NR1D1: variants seen among roughly 807,000 people sequenced by gnomAD.
NR1D1 encodes the protein nuclear receptor subfamily 1 group D member 1.
A neutral mutation model predicts 51.1 loss-of-function variants in NR1D1; 17 were observed. The ratio of observed to expected loss-of-function variants is 0.33; its 90% CI spans 0.23 to 0.50. The LOEUF (loss-of-function observed/expected upper bound fraction) is 0.50, where lower values mean the gene tolerates loss of function less well. Among genes scored for constraint, NR1D1 ranks in the 20% least tolerant of loss-of-function variants. The pLI is 0.98. For missense variants in NR1D1, 647 were observed against 830.4 expected, an observed-to-expected ratio of 0.78 and a Z score of 2.71; for synonymous variants, 341 against 333.4, an observed-to-expected ratio of 1.02 and a Z score of -0.25.
In NR1D1 at chr17:40,094,044, G is replaced by C; in HGVS notation, c.1513C>G (p.Leu505Val). The change falls in exon 7 of 8, where the codon CTG (leucine) becomes GTG (valine). Residue 505 changes from leucine to valine, a missense_variant. By Grantham distance (32) the Leu-to-Val change is conservative. Around this residue, in one of 7 missense-constraint regions of NR1D1, gnomAD observed 155 missense variants for 236.8 expected, o/e 0.65. Coordinates refer to ENST00000246672, the MANE Select transcript of NR1D1 (RefSeq NM_021724.5). ...ATGCCCATGGCACCAAGCTCCTGCA[G>C]GCTGTAGGTGGTGCGGCTTAGGAAC... is the stretch of plus-strand genomic sequence containing the variant. ...VMFLSRTTYS[L>V]QELGAMGMGD... The C allele has an allele frequency of 6.8e-6, 11 of 1,614,042 alleles. No homozygotes were observed. Among genetic ancestry groups the C allele is most frequent in the Non-Finnish European group, 9.3e-6 (11 of 1,180,008 alleles).
chr17:40,095,946 G>T lies in NR1D1; in HGVS notation c.746C>A (p.Pro249His), dbSNP rs201937829. Residue 249 changes from proline to histidine, a missense_variant, in exon 5 of 8, where the codon CCC (proline) becomes CAC (histidine). Around this residue, in one of 7 missense-constraint regions of NR1D1, gnomAD observed 48 missense variants for 42.9 expected, o/e 1.12. Coordinates refer to ENST00000246672, the MANE Select transcript of NR1D1 (RefSeq NM_021724.5). ...TSPTQHPTPG[P>H]MGPSPPPAPV... ...AGCAGGGGGTGGCGAGGGGCCCATG[G>T]GGCCTGGGGTGGGGTGCTGGGTGGG... The T allele has an allele frequency of 3.1e-6, 5 of 1,611,502 alleles. No individual in the cohort carries two copies. The highest frequency in any genetic ancestry group is 3.4e-6 in the Non-Finnish European group (4 of 1,179,454).
chr17:40,094,236 G>A (rs1987699580), intron 6 of NR1D1, 114 bp from the exon 7 acceptor site: 1 of 920,604 alleles, frequency 1.1e-6, no homozygotes, highest in South Asian at 1.5e-5. Flanking sequence ...TCAGTAGAGT[G>A]GGGGTTGTTT....
intron 5 of NR1D1, 138 bp from the exon 6 acceptor site, chr17:40,095,258 A>C (rs1987728437): frequency 1.8e-6 from 2 of 1,133,876 alleles, no homozygotes; most frequent in East Asian, 5.2e-5. Flanking sequence ...ATAAAGTAGC[A>C]ATTAGGTGCC....
intron 4 of NR1D1, 81 bp downstream of exon 4, chr17:40,096,362 T>C: frequency 6.3e-7 from 1 of 1,593,730 alleles, no homozygotes; most frequent in Middle Eastern, 1.7e-4. Flanking sequence ...TGTGTCTCCA[T>C]TTGTGACTTT....
intron 1 of NR1D1, among the ~76,000 whole-genome samples, chr17:40,098,554 C>T (rs1987809125): frequency 6.6e-6 from 1 of 152,184 alleles, no homozygotes; most frequent in Non-Finnish European, 1.5e-5. Context: ...GTGAGACCTT[C>T]ATGCAGAGGC....
Position 40,093,029 on chromosome 17 carries a change from G to T in NR1D1, c.*54C>A. On this transcript the variant is annotated 3_prime_UTR_variant, in exon 8 of 8. Coordinates refer to ENST00000246672, the MANE Select transcript of NR1D1 (RefSeq NM_021724.5). This position sits in a 1 kb window ranked among gnomAD's most constrained non-coding sequence, Gnocchi z 5.9. Reference sequence around the variant, plus strand: ...TTTTCGTCTCGTAAAGGAGAGAGAAGTGCAGAGTTCGATTCTGTACAAGGG... The same window carrying T: ...TTTTCGTCTCGTAAAGGAGAGAGAATTGCAGAGTTCGATTCTGTACAAGGG... 1 of 1,613,022 alleles carries T rather than the reference G, an allele frequency of 6.2e-7. No homozygotes were observed. Among genetic ancestry groups the T allele is most frequent in the Non-Finnish European group, 8.5e-7 (1 of 1,179,028 alleles).
rs772765278 is a variant in NR1D1, at chr17:40,095,920, G to C, written c.772C>G (p.Pro258Ala). 1.2e-6 allele frequency: 2 copies of C among 1,611,950 alleles called. No homozygotes were observed. Among genetic ancestry groups the C allele is most frequent in the Non-Finnish European group, 1.7e-6 (2 of 1,179,378 alleles). The change falls in exon 5 of 8, where the codon CCG (proline) becomes GCG (alanine). Residue 258 changes from proline (P) to alanine (A), a missense_variant. Pro to Ala is a conservative substitution (Grantham distance 27). Transcript: ENST00000246672. ...GPMGPSPPPA[P>A]VPSPLVGFSQ... ...AAGCCCACCAGGGGTGAGGGGACCG[G>C]AGCAGGGGGTGGCGAGGGGCCCATG... is the stretch of plus-strand genomic sequence containing the variant.
Position 40,094,006 on chromosome 17 carries a change from G to C in NR1D1, c.1551C>G (p.Leu517=). 1 of 1,614,094 alleles carries C rather than the reference G, an allele frequency of 6.2e-7. No homozygotes were observed. The highest frequency in any genetic ancestry group is 8.5e-7 in the Non-Finnish European group (1 of 1,180,044). ...ELGAMGMGDL[L]SAMFDFSEKL... ...TCTCGCTGAAGTCGAACATGGCACT[G>C]AGCAGGTCTCCCATGCCCATGGCAC... The change falls in exon 7 of 8, where the codon CTC becomes CTG. Residue 517 remains leucine (L), a synonymous_variant. Coordinates refer to ENST00000246672, the MANE Select transcript of NR1D1 (RefSeq NM_021724.5).
At chr17:40,096,148 T>G (rs1403955363) in intron 4 of NR1D1, 61 bp from the exon 5 acceptor site, 2 of 1,571,186 alleles carry the variant, frequency 1.3e-6, no homozygotes, top group African/African-American at 1.4e-5. Flanking sequence ...CTTCTCTTCC[T>G]TCCTTCCTCC....
chr17:40,097,915 C>T (rs1479548666), intron 1 of NR1D1, among the ~76,000 whole-genome samples: 1 of 152,196 alleles, frequency 6.6e-6, no homozygotes, highest in African/African-American at 2.4e-5. Context: ...GTCACATTCC[C>T]CCCAGTTGGG....
Position 40,096,796 on chromosome 17 carries a change from C to A in NR1D1, c.371-17G>T. 1 of 1,613,292 alleles carries A rather than the reference C, an allele frequency of 6.2e-7. No individual in the cohort carries two copies. Among genetic ancestry groups the A allele is most frequent in the Non-Finnish European group, 8.5e-7 (1 of 1,179,364 alleles). On this transcript the variant is annotated splice_polypyrimidine_tract_variant and intron_variant, in intron 2 of 7. Coordinates refer to ENST00000246672, the MANE Select transcript of NR1D1 (RefSeq NM_021724.5). ...CATTCAGCTCTGTGGAAGAGACGGG[C>A]AGCAGGTGAGCAGGAGAGGCCAGGC...
chr17:40,093,952 C>A lies in NR1D1; in HGVS notation c.1605G>T (p.Glu535Asp). 1 of 1,613,924 alleles carries A rather than the reference C, an allele frequency of 6.2e-7. No individual in the cohort carries two copies. Among genetic ancestry groups the A allele is most frequent in the South Asian group, 1.1e-5 (1 of 91,088 alleles). The change falls in exon 7 of 8, where the codon GAG becomes GAT. Residue 535 changes from glutamate (E) to aspartate (D), a missense_variant. Physicochemically the swap from Glu to Asp is conservative, Grantham distance 45. Coordinates refer to ENST00000246672, the MANE Select transcript of NR1D1 (RefSeq NM_021724.5). The surrounding 1 kb of genome is among the most constrained non-coding windows in gnomAD (Gnocchi z 5.9). ...CCACCGCGGTGAAGAGGCCCAGCTC[C>A]TCCTCGGTAAGCGCCAGGGAGTTGA... Reference protein sequence around the residue: ...EKLNSLALTEEELGLFTAVVL... With the variant: ...EKLNSLALTEDELGLFTAVVL...
Position 40,093,454 on chromosome 17 carries a change from G to C in NR1D1, c.1646-172C>G. The C allele has an allele frequency of 6.6e-7, 1 of 1,510,434 alleles. No individual in the cohort carries two copies. Among genetic ancestry groups the C allele is most frequent in the South Asian group, 1.3e-5 (1 of 77,178 alleles). 93.6% of individuals were successfully genotyped at this position (1,510,434 alleles called of 1,614,324 possible). A position where few individuals can be genotyped will look rare whatever the true frequency, so the allele number is the denominator to read the frequency against. Reference sequence around the variant, plus strand: ...CTCCCAGGCCTCTGCCCCAAGAGCAGGAGGTGCCTGAAAGCTGGGAGCGTG... The same window carrying C: ...CTCCCAGGCCTCTGCCCCAAGAGCACGAGGTGCCTGAAAGCTGGGAGCGTG... On this transcript the variant is annotated intron_variant, in intron 7 of 7. Transcript: ENST00000246672. The surrounding 1 kb of genome is among the most constrained non-coding windows in gnomAD (Gnocchi z 5.9).
chr17:40,094,657 G>C (rs532867409), intron 6 of NR1D1, among the ~76,000 whole-genome samples: 1 of 152,350 alleles, frequency 6.6e-6, no homozygotes, highest in Admixed American at 6.5e-5. Flanking sequence ...CAATACTTTG[G>C]GAGTCCAAGG....
At chr17:40,097,459 G>A (rs2145103622) in intron 1 of NR1D1, 56 bp from the exon 2 acceptor site, 1 of 1,409,740 alleles carries the variant, frequency 7.1e-7, no homozygotes, top group Non-Finnish European at 9.8e-7. Context: ...CGGACCTAGG[G>A]TGCCACTGTG....
Position 40,092,869 on chromosome 17 carries a change from G to A in NR1D1, c.*214C>T. 1 of 1,109,784 alleles carries A rather than the reference G, an allele frequency of 9.0e-7. No individual in the cohort carries two copies. Among genetic ancestry groups the A allele is most frequent in the Non-Finnish European group, 1.3e-6 (1 of 794,596 alleles). The allele number at this position is 1,109,784 out of a possible 1,614,324, so 68.7% of individuals were successfully genotyped here. The stretch of plus-strand genomic sequence containing the variant: ...AGGGGAGGGTTGTGGGGGAGACAGA[G>A]TGGTTTAAATAGGGGAGGAGGGGAA... On this transcript the variant is annotated 3_prime_UTR_variant, in exon 8 of 8. Coordinates refer to ENST00000246672, the MANE Select transcript of NR1D1 (RefSeq NM_021724.5).
At chr17:40,098,798 A>G (rs1392492709) in intron 1 of NR1D1, among the ~76,000 whole-genome samples, 1 of 152,160 alleles carries the variant, frequency 6.6e-6, no homozygotes, top group Non-Finnish European at 1.5e-5. Context: ...GGGTAAGACA[A>G]TGCTCGCAGA....
In NR1D1 at chr17:40,100,474, A is replaced by G; in HGVS notation, c.-380T>C. ...GGAGCTCCCGGTGCAAAAGTCCCAG[A>G]GGAAGAGAGGTTGCAACCAGGAAGT... On this transcript the variant is annotated 5_prime_UTR_variant, in exon 1 of 8. Coordinates refer to ENST00000246672, the MANE Select transcript of NR1D1 (RefSeq NM_021724.5). 2.2e-6 allele frequency: 1 copy of G among 457,542 alleles called. No homozygotes were observed. Among genetic ancestry groups the G allele is most frequent in the Non-Finnish European group, 3.9e-6 (1 of 258,490 alleles). 28.3% of individuals were successfully genotyped at this position (457,542 alleles called of 1,614,324 possible).
At chr17:40,096,211 C>T (rs1461079581) in intron 4 of NR1D1, 124 bp from the exon 5 acceptor site, 12 of 1,401,424 alleles carry the variant, frequency 8.6e-6, no homozygotes, top group African/African-American at 1.4e-5. Context: ...CTAAAACCAG[C>T]AAGTCCCCAC....
Sources: gnomAD v4.1 joint callset for allele counts (sites outside exome capture counted in the v4.1 genomes callset) on GRCh38, gnomAD v4.1.1 for gene constraint, gnomAD v4.1.1 regional missense constraint, Gnocchi (gnomAD v3.1) non-coding constraint, MANE v1.5 for transcripts, NCBI Gene and HGNC (gene_info 2026-07-23, HGNC 2026-07-21) for gene names.